The following OCSTAMP variants were observed in gnomAD, a reference collection of about 807,000 sequenced individuals.
The protein encoded by OCSTAMP is transmembrane protein C20orf123.
In OCSTAMP, 17 loss-of-function variants were observed where a neutral mutation model predicts 25.2. The ratio of observed to expected loss-of-function variants is 0.68; its 90% CI spans 0.46 to 1.01. OCSTAMP has a LOEUF of 1.01. Ranked by LOEUF, OCSTAMP falls within the 50% of genes least tolerant of loss-of-function variation. The probability of loss-of-function intolerance (pLI) is 0.00; values close to 1 mark genes in which losing one functional copy is unlikely to be tolerated. For missense variants in OCSTAMP, 664 were observed against 694.6 expected, an observed-to-expected ratio of 0.96 and a Z score of 0.50; for synonymous variants, 345 against 318.9, an observed-to-expected ratio of 1.08 and a Z score of -0.87.
intron 1 of OCSTAMP, among the ~76,000 whole-genome samples, chr20:46,549,034 C>T (rs551016936): frequency 1.3e-5 from 2 of 152,316 alleles, no homozygotes; most frequent in South Asian, 2.1e-4. Context: ...CAGAGAGTCC[C>T]AGTGGCCTTG....
chr20:46,541,571 G>A lies in OCSTAMP; in HGVS notation c.1404C>T (p.Cys468=). 2 of 1,551,676 alleles carry A rather than the reference G, an allele frequency of 1.3e-6. No individual in the cohort carries two copies. Among genetic ancestry groups the A allele is most frequent in the African/African-American group, 1.4e-5 (1 of 73,176 alleles). The change falls in exon 3 of 3, where the codon TGC becomes TGT. Residue 468 remains cysteine, a synonymous_variant. Coordinates refer to ENST00000279028, the MANE Select transcript of OCSTAMP (RefSeq NM_080721.3). ...TGCAGGCAGGTCTGGGTGTGGGGACGCAAGAAGGATCCCCTAGGGGCAGCT... is the reference window on the plus strand; with the variant it reads ...TGCAGGCAGGTCTGGGTGTGGGGACACAAGAAGGATCCCCTAGGGGCAGCT... ...GQQLPLGDPS[C]VPTPRPACKP...
At chr20:46,543,305 C>CCTTCCTTCCTTTCTTT (rs1555872066) in intron 2 of OCSTAMP, among the ~76,000 whole-genome samples, 310 of 128,394 alleles carry the variant, frequency 2.4e-3, no homozygotes, top group Non-Finnish European at 3.7e-3. Flanking sequence ...CTTTCTCTTT[C>CCTTCCTTCCTTTCTTT]CTTTCTTTCT....
intron 2 of OCSTAMP, among the ~76,000 whole-genome samples, chr20:46,544,591 A>G (rs985764682): frequency 2.6e-5 from 4 of 152,256 alleles, no homozygotes; most frequent in Non-Finnish European, 5.9e-5. Flanking sequence ...ATCGAAAAAC[A>G]CAACTCTTGA....
intron 1 of OCSTAMP, among the ~76,000 whole-genome samples, chr20:46,546,771 A>G (rs2061854524): frequency 6.6e-6 from 1 of 152,124 alleles, no homozygotes; most frequent in African/African-American, 2.4e-5. Flanking sequence ...ATGATTCTGG[A>G]CCTTCTATTC....
chr20:46,550,630 G>T lies in OCSTAMP; in HGVS notation c.-70C>A, dbSNP rs1390589478. 2.8e-6 allele frequency: 4 copies of T among 1,409,170 alleles called. No individual in the cohort carries two copies. The highest frequency in any genetic ancestry group is 2.8e-5 in the African/African-American group (2 of 70,388). The allele number at this position is 1,409,170 out of a possible 1,614,324, so 87.3% of individuals were successfully genotyped here. A position where few individuals can be genotyped will look rare whatever the true frequency, so the allele number is the denominator to read the frequency against. ...TGTGGCAGGTGGAGAGGAAGTGGGG[G>T]AATCGCTGGGACTTGGGAATCCCTG... is the stretch of plus-strand genomic sequence containing the variant. On this transcript the variant is annotated 5_prime_UTR_variant, in exon 1 of 3. Transcript: ENST00000279028.
intron 2 of OCSTAMP, among the ~76,000 whole-genome samples, chr20:46,545,119 T>G (rs1030868296): frequency 2.0e-5 from 3 of 152,164 alleles, no homozygotes; most frequent in African/African-American, 7.2e-5. Context: ...CATCCTCAAC[T>G]GCAATAGGAA....
rs761285415 is a variant in OCSTAMP at position 46,545,389 on chromosome 20, C to T, written c.985G>A (p.Ala329Thr). 23 of 1,537,124 alleles carry T rather than the reference C, an allele frequency of 1.5e-5. No homozygotes were observed. The highest frequency in any genetic ancestry group is 1.7e-4 in the Middle Eastern group (1 of 5,902). ...TDHVAFLLAQ[A>T]TVDWAQKLPT... ...AACTTCTGAGCCCAGTCCACAGTAG[C>T]CTGTGCCAGGAGGAAGGCTACATGG... The change falls in exon 2 of 3, where the codon GCT becomes ACT. Residue 329 changes from alanine (A) to threonine (T), a missense_variant. Physicochemically the swap from Ala to Thr is moderately conservative, Grantham distance 58. Transcript: ENST00000279028.
chr20:46,545,594 A>T lies in OCSTAMP; in HGVS notation c.780T>A (p.Thr260=), dbSNP rs894931221. ...GTGCCAACCGCTGGGTCAGCTGTTGAGTGGCGTAGATATTGTCAAACCGCA... is the reference window on the plus strand; with the variant it reads ...GTGCCAACCGCTGGGTCAGCTGTTGTGTGGCGTAGATATTGTCAAACCGCA... ...TDLRFDNIYA[T]QQLTQRLAQA... is the part of the protein sequence containing the mutation. The change falls in exon 2 of 3, where the codon ACT becomes ACA. Residue 260 remains threonine (T), a synonymous_variant. Coordinates refer to ENST00000279028, the MANE Select transcript of OCSTAMP (RefSeq NM_080721.3). 1 of 1,551,650 alleles carries T rather than the reference A, an allele frequency of 6.4e-7. No individual in the cohort carries two copies. The highest frequency in any genetic ancestry group is 8.7e-7 in the Non-Finnish European group (1 of 1,146,994).
At chr20:46,550,069 C>T (rs753014579) in intron 1 of OCSTAMP, among the ~76,000 whole-genome samples, 2 of 152,096 alleles carry the variant, frequency 1.3e-5, no homozygotes, top group African/African-American at 2.4e-5. Context: ...TCCCAGCTCC[C>T]GAAGGCATTT....
In OCSTAMP at chr20:46,545,443, C is replaced by G. The variant is rs759993834; in HGVS notation, c.931G>C (p.Val311Leu). ...GTGGCCACCGCCACAGCCGTGGCCA[C>G]GAGGAGCAGGGCAAGCAGCCCCAGC... is the stretch of plus-strand genomic sequence containing the variant. ...LRLGLLALLL[V>L]ATAVAVATDH... The change falls in exon 2 of 3, where the codon GTG becomes CTG. Residue 311 changes from valine to leucine, a missense_variant. By Grantham distance (32) the Val-to-Leu change is conservative. Coordinates refer to ENST00000279028, the MANE Select transcript of OCSTAMP (RefSeq NM_080721.3). 14 of 1,551,006 alleles carry G rather than the reference C, an allele frequency of 9.0e-6. No individual in the cohort carries two copies. The highest frequency in any genetic ancestry group is 1.2e-5 in the Non-Finnish European group (14 of 1,146,784).
intron 1 of OCSTAMP, among the ~76,000 whole-genome samples, chr20:46,549,192 G>A (rs1190252290): frequency 6.6e-6 from 1 of 152,128 alleles, no homozygotes; most frequent in African/African-American, 2.4e-5. Context: ...CTTTGTCACA[G>A]GGCTTCTGGG....
chr20:46,542,591 T>G (rs1186806104), intron 2 of OCSTAMP, among the ~76,000 whole-genome samples: 45 of 38,160 alleles, frequency 1.2e-3, no homozygotes, highest in Admixed American at 9.5e-4. Context: ...AAAAAAAAGA[T>G]GGGAAGCCCA....
chr20:46,549,325 C>A (rs1024559349), intron 1 of OCSTAMP, among the ~76,000 whole-genome samples: 1 of 152,238 alleles, frequency 6.6e-6, no homozygotes, highest in Non-Finnish European at 1.5e-5. Flanking sequence ...AAATGTTTCA[C>A]TCGAGTCTCC....
chr20:46,544,600 G>C (rs747668791), intron 2 of OCSTAMP, among the ~76,000 whole-genome samples: 2 of 152,166 alleles, frequency 1.3e-5, no homozygotes, highest in Non-Finnish European at 2.9e-5. Flanking sequence ...CACAACTCTT[G>C]ATCTGATAGT....
intron 2 of OCSTAMP, among the ~76,000 whole-genome samples, chr20:46,544,274 G>T (rs922967898): frequency 6.6e-6 from 1 of 152,148 alleles, no homozygotes; most frequent in Non-Finnish European, 1.5e-5. Context: ...TCAAAGCAGA[G>T]ATTGTTTTGT....
At chr20:46,545,069 G>A (rs1341177719) in intron 2 of OCSTAMP, among the ~76,000 whole-genome samples, 1 of 152,194 alleles carries the variant, frequency 6.6e-6, no homozygotes, top group African/African-American at 2.4e-5. Flanking sequence ...TGTGAAGGGT[G>A]ACCTTGGATG....
chr20:46,546,641 G>A (rs1692429735), intron 1 of OCSTAMP, among the ~76,000 whole-genome samples: 1 of 152,168 alleles, frequency 6.6e-6, no homozygotes, highest in South Asian at 2.1e-4. Context: ...AAGGCAACTG[G>A]CCCAAGAGAA....
intron 1 of OCSTAMP, among the ~76,000 whole-genome samples, chr20:46,548,050 G>A (rs982789957): frequency 2.0e-5 from 3 of 152,098 alleles, no homozygotes; most frequent in Non-Finnish European, 1.5e-5. Flanking sequence ...AGATGATGGC[G>A]AATGAACAGG....
chr20:46,547,287 G>A (rs973208778), intron 1 of OCSTAMP, among the ~76,000 whole-genome samples: 5 of 152,206 alleles, frequency 3.3e-5, no homozygotes, highest in African/African-American at 1.2e-4. Context: ...GTTGGAAATA[G>A]AAGTCAGGAA....
Sources: gnomAD v4.1 joint callset for allele counts (sites outside exome capture counted in the v4.1 genomes callset) on GRCh38, gnomAD v4.1.1 for gene constraint, MANE v1.5 for transcripts, NCBI Gene and HGNC (gene_info 2026-07-23, HGNC 2026-07-21) for gene names.